Variants in DEPDC4 observed in about 807,000 individuals in gnomAD.
DEPDC4 encodes DEP domain-containing protein 4.
A neutral mutation model predicts 52.0 loss-of-function variants in DEPDC4; 52 were observed. That is an observed-to-expected ratio of 1.00 (90% CI 0.80 to 1.26). The LOEUF is 1.26. Among genes scored for constraint, DEPDC4 ranks in the 50% most tolerant of loss-of-function variants. The probability of loss-of-function intolerance (pLI) is 0.00; values close to 1 mark genes in which losing one functional copy is unlikely to be tolerated. For missense variants in DEPDC4, 530 were observed against 546.9 expected, an observed-to-expected ratio of 0.97 and a Z score of 0.31; for synonymous variants, 201 against 196.8, an observed-to-expected ratio of 1.02 and a Z score of -0.18.
At position 100,250,269 on chromosome 12, in the gene DEPDC4, G is replaced by A. The variant is rs539236714; in HGVS notation, c.1375-1291C>T. ...CTTGTGCTGTTACCCAGGCTGGAGT[G>A]CAGCGGTGCGATCTTGGCTCACTGC... On this transcript the variant is annotated intron_variant, in intron 7 of 9. Transcript: ENST00000550587. Among the ~76,000 whole-genome samples the A allele has an allele frequency of 1.6e-4, 25 of 152,302 alleles. No individual in the cohort carries two copies. In the South Asian group the frequency reaches 5.2e-3, roughly 32 times the overall value.
Position 100,267,048 on chromosome 12 carries a change from T to C in DEPDC4, c.29A>G (p.Glu10Gly). The C allele has an allele frequency of 6.2e-7, 1 of 1,613,598 alleles. No individual in the cohort carries two copies. Among genetic ancestry groups the C allele is most frequent in the Non-Finnish European group, 8.5e-7 (1 of 1,179,830 alleles). MVPGEEPAR[E>G]LMAVLLTPRF... ...CGGAGTCAAAAGAACCGCCATAAGCTCGCGCGCTGGCTCCTCCCCTGGCAC... is the reference window on the plus strand; with the variant it reads ...CGGAGTCAAAAGAACCGCCATAAGCCCGCGCGCTGGCTCCTCCCCTGGCAC... Residue 10 changes from glutamate (E) to glycine (G), a missense_variant, in exon 1 of 10, where the codon GAG becomes GGG. Coordinates refer to ENST00000550587, the MANE Select transcript of DEPDC4 (RefSeq NM_001364818.2).
chr12:100,270,988 A>G (rs2096287016), upstream of DEPDC4, among the ~76,000 whole-genome samples: 1 of 151,940 alleles, frequency 6.6e-6, no homozygotes, highest in African/African-American at 2.4e-5. Flanking sequence ...TGTCTTCTGT[A>G]ATCTGTTCTG....
At position 100,241,323 on chromosome 12, in the gene DEPDC4, GC is replaced by G. The variant is rs140165330; in HGVS notation, c.*568del. Reference sequence around the variant, plus strand: ...ATTAAGTGAATCAGCAAACATGAAGGCTAACTTGTATTCCTTCTTAAAGTTA... The same window carrying G: ...ATTAAGTGAATCAGCAAACATGAAGGTAACTTGTATTCCTTCTTAAAGTTA... On this transcript the variant is annotated 3_prime_UTR_variant, in exon 10 of 10. Transcript: ENST00000550587. Among the ~76,000 whole-genome samples, 4,224 of 152,108 alleles carry G rather than the reference GC, an allele frequency of 0.028. 187 individuals carry two copies. Among genetic ancestry groups the G allele is most frequent in the African/African-American group, 0.094 (3,903 of 41,488 alleles).
chr12:100,263,485 G>A lies in DEPDC4; in HGVS notation c.554+12C>T, dbSNP rs2096261007. 11 of 1,554,994 alleles carry A rather than the reference G, an allele frequency of 7.1e-6. No homozygotes were observed. The highest frequency in any genetic ancestry group is 9.5e-6 in the Non-Finnish European group (11 of 1,154,620). ...AAATAAAATATATTACAGTATCTTAGGTAACACTAACCTCAAGGTTTCATT... is the reference window on the plus strand; with the variant it reads ...AAATAAAATATATTACAGTATCTTAAGTAACACTAACCTCAAGGTTTCATT... On this transcript the variant is annotated intron_variant, in intron 2 of 9. Transcript: ENST00000550587.
At chr12:100,252,121 T>C (rs1050486147) in intron 7 of DEPDC4, 55 bp downstream of exon 7, 2 of 1,114,156 alleles carry the variant, frequency 1.8e-6, no homozygotes, top group African/African-American at 3.4e-5. Flanking sequence ...TTTGCTTTTC[T>C]GCTTGACACA....
chr12:100,256,007 A>T, intron 4 of DEPDC4, 42 bp downstream of exon 4: 3 of 1,494,512 alleles, frequency 2.0e-6, no homozygotes, highest in South Asian at 1.3e-5. Context: ...TATGTGAAAA[A>T]AACTGTTTAC....
At chr12:100,243,293 C>A (rs565631046) in intron 8 of DEPDC4, among the ~76,000 whole-genome samples, 2 of 152,176 alleles carry the variant, frequency 1.3e-5, no homozygotes, top group East Asian at 3.9e-4. Flanking sequence ...AATTTAGAAT[C>A]TCCTGCTTTA....
At chr12:100,247,906 C>A (rs531218211) in intron 8 of DEPDC4, among the ~76,000 whole-genome samples, 2 of 152,092 alleles carry the variant, frequency 1.3e-5, no homozygotes, top group African/African-American at 2.4e-5. Flanking sequence ...TTTTGCCCTG[C>A]CACAACCCTT....
At position 100,240,092 on chromosome 12, in the gene DEPDC4, TTTAA is replaced by T. The variant is rs1215366114; in HGVS notation, c.*1796_*1799del. Among the ~76,000 whole-genome samples, 1 of 152,200 alleles carries T rather than the reference TTTAA, an allele frequency of 6.6e-6. No homozygotes were observed. The highest frequency in any genetic ancestry group is 1.5e-5 in the Non-Finnish European group (1 of 68,028). ...CTAATATAGTTTATTTTTTCAAGAA[TTTAA>T]TTAATTATGCTTCTGTTTCCCTGTG... On this transcript the variant is annotated 3_prime_UTR_variant, in exon 10 of 10. Coordinates refer to ENST00000550587, the MANE Select transcript of DEPDC4 (RefSeq NM_001364818.2).
At chr12:100,268,230 A>G (rs1020086906), upstream of DEPDC4, among the ~76,000 whole-genome samples, 4 of 152,228 alleles carry the variant, frequency 2.6e-5, no homozygotes, top group Non-Finnish European at 5.9e-5. Context: ...GACACTTTCT[A>G]AAAACATTGG....
the DEPDC4 span, among the ~76,000 whole-genome samples, chr12:100,275,780 T>C: frequency 6.6e-6 from 1 of 152,242 alleles, no homozygotes; most frequent in African/African-American, 2.4e-5. Flanking sequence ...AAGTGGTTAG[T>C]ATTTTATCTT....
chr12:100,264,724 C>T (rs61940536), intron 1 of DEPDC4, among the ~76,000 whole-genome samples: 1 of 151,914 alleles, frequency 6.6e-6, no homozygotes, highest in Non-Finnish European at 1.5e-5. Context: ...GTCACATACC[C>T]ACTTGAGCTG....
At chr12:100,249,470 G>T (rs755918427) in intron 7 of DEPDC4, among the ~76,000 whole-genome samples, 4 of 152,116 alleles carry the variant, frequency 2.6e-5, no homozygotes, top group Non-Finnish European at 5.9e-5. Context: ...GCAACACAGC[G>T]AGATCCCATC....
upstream of DEPDC4, chr12:100,267,194 CT>C: frequency 8.8e-7 from 1 of 1,131,912 alleles, no homozygotes; most frequent in Non-Finnish European, 1.2e-6. Context: ...TTCCCCCTCC[CT>C]TACTCTTCGT....
At chr12:100,235,003 T>A (rs942222113) in intron 9 of DEPDC4, among the ~76,000 whole-genome samples, 1 of 152,140 alleles carries the variant, frequency 6.6e-6, no homozygotes, top group Admixed American at 6.6e-5. Context: ...ACAAGTTTCA[T>A]TGTTTACAAA....
upstream of DEPDC4, among the ~76,000 whole-genome samples, chr12:100,268,276 G>A (rs1422409545): frequency 6.6e-6 from 1 of 152,112 alleles, no homozygotes; most frequent in Admixed American, 6.6e-5. Flanking sequence ...GCCTATCTCC[G>A]TTCTGAAAAA....
chr12:100,280,269 T>TGAAATAAAATGTATA, the DEPDC4 span, among the ~76,000 whole-genome samples: 5 of 152,262 alleles, frequency 3.3e-5, no homozygotes, highest in Admixed American at 2.0e-4. Context: ...TTTAAATGTA[T>TGAAATAAAATGTATA]GAAATAAAAT....
At chr12:100,280,361 A>G in the DEPDC4 span, among the ~76,000 whole-genome samples, 1 of 152,216 alleles carries the variant, frequency 6.6e-6, no homozygotes, top group Non-Finnish European at 1.5e-5. Flanking sequence ...AATGCATTCA[A>G]TAATAAAACC....
intron 1 of DEPDC4, 57 bp from the exon 2 acceptor site, chr12:100,263,950 A>T (rs1217193185): frequency 6.6e-7 from 1 of 1,508,632 alleles, no homozygotes; most frequent in Admixed American, 2.3e-5. Flanking sequence ...AAATATGCAA[A>T]TTTTTCAGTT....
Sources: allele counts gnomAD v4.1 joint callset (sites outside exome capture counted in the v4.1 genomes callset), GRCh38; gene constraint gnomAD v4.1.1; transcripts MANE v1.5; gene names NCBI Gene and HGNC (gene_info 2026-07-23, HGNC 2026-07-21).